Variants in CLCNKA observed in about 807,000 individuals in gnomAD.
The protein encoded by CLCNKA is chloride channel protein ClC-Ka.
Under a neutral mutation model 83.3 loss-of-function variants are expected in CLCNKA, and 66 were observed. The ratio of observed to expected loss-of-function variants is 0.79; its 90% confidence interval spans 0.65 to 0.97. The LOEUF is 0.97. CLCNKA is among the 50% of genes least tolerant of loss of function. The pLI is 0.00. For synonymous variants in CLCNKA, 357 were observed against 370.4 expected (o/e 0.96, Z 0.42); for missense variants, 806 against 888.7 (o/e 0.91, Z 1.18).
At chr1:16,023,597 A>C (rs565444378) in intron 2 of CLCNKA, among the ~76,000 whole-genome samples, 1 of 152,290 alleles carries the variant, frequency 6.6e-6, no homozygotes, top group East Asian at 1.9e-4. Flanking sequence ...GGGCTCCTCC[A>C]TCCTGACACA....
At position 16,030,429 on chromosome 1, in the gene CLCNKA, C is replaced by T. The variant is rs2022576681; in HGVS notation, c.1409-32C>T. The T allele has an allele frequency of 3.7e-6, 6 of 1,611,152 alleles. No homozygotes were observed. In the Admixed American group the frequency reaches 6.7e-5, roughly 18 times the overall value. On this transcript the variant is annotated intron_variant, in intron 14 of 19. Coordinates refer to ENST00000331433, the MANE Select transcript of CLCNKA (RefSeq NM_004070.4). ...ATCAGGCTGGCCCCTGCCTCCTGGC[C>T]TGAGCCGACCTGTGTGGCTCTGCCC...
At chr1:16,030,812 G>A in intron 15 of CLCNKA, 138 bp downstream of exon 15, 4 of 1,248,612 alleles carry the variant, frequency 3.2e-6, no homozygotes, top group Non-Finnish European at 4.5e-6. Flanking sequence ...ACACACAGCT[G>A]TGCTCTCATC....
At chr1:16,028,574 AC>A in intron 10 of CLCNKA, 186 bp from the exon 11 acceptor site, 1 of 741,628 alleles carries the variant, frequency 1.3e-6, no homozygotes, top group African/African-American at 1.7e-5. Flanking sequence ...TGAGGGGCTC[AC>A]CCCACGGGTT....
intron 7 of CLCNKA, 140 bp from the exon 8 acceptor site, chr1:16,027,170 C>A: frequency 7.8e-7 from 1 of 1,283,398 alleles, no homozygotes; most frequent in Non-Finnish European, 1.1e-6. Flanking sequence ...GCAAGCCCTG[C>A]CCTCCCCTTC....
intron 5 of CLCNKA, 143 bp from the exon 6 acceptor site, chr1:16,026,393 C>A: frequency 2.1e-6 from 3 of 1,460,024 alleles, no homozygotes; most frequent in Non-Finnish European, 2.8e-6. Context: ...AGAGCCAGGC[C>A]AGGTCCCCAG....
chr1:16,022,659 G>A lies in CLCNKA; in HGVS notation c.40G>A (p.Asp14Asn), dbSNP rs765083898. The stretch of plus-strand genomic sequence containing the variant: ...GGGGCTGCGTGAGGGCTTCTCAGGG[G>A]ACCCTGTGACTCTGCAGGAGCTGTG... The part of the protein sequence containing the change: ...LVGLREGFSG[D>N]PVTLQELWGP... The change falls in exon 2 of 20, where the codon GAC becomes AAC. Residue 14 changes from aspartate (D) to asparagine (N), a missense_variant. Coordinates refer to ENST00000331433, the MANE Select transcript of CLCNKA (RefSeq NM_004070.4). 6.4e-6 allele frequency: 10 copies of A among 1,568,072 alleles called. No individual in the cohort carries two copies. Among genetic ancestry groups the A allele is most frequent in the South Asian group, 1.2e-5 (1 of 84,438 alleles).
At chr1:16,028,543 C>G (rs2022477632) in intron 10 of CLCNKA, 4 of 690,250 alleles carry the variant, frequency 5.8e-6, no homozygotes, top group African/African-American at 1.7e-5. Flanking sequence ...CGTGATTCCT[C>G]TGCCCTCAGT....
rs1309828822 is a variant in CLCNKA, at chr1:16,023,667, C to CG, written c.101-129dup. 4.0e-6 allele frequency: 4 copies of CG among 997,602 alleles called. No individual in the cohort carries two copies. The East Asian group carries it at 1.1e-4, about 27-fold the overall frequency. The allele number at this position is 997,602 out of a possible 1,614,324, so 61.8% of individuals were successfully genotyped here. On this transcript the variant is annotated intron_variant, in intron 2 of 19. Coordinates refer to ENST00000331433, the MANE Select transcript of CLCNKA (RefSeq NM_004070.4). ...AACTTGCATTCCTCTCTGACTCAGGCGGGGCCCCCTCAGGACTACCCCAGA... is the reference window on the plus strand; with the variant it reads ...AACTTGCATTCCTCTCTGACTCAGGCGGGGGCCCCCTCAGGACTACCCCAGA...
rs201044164 is a variant in CLCNKA at position 16,023,871 on chromosome 1, G to T, written c.172G>T (p.Val58Leu). 9.4e-5 allele frequency: 151 copies of T among 1,614,176 alleles called. No homozygotes were observed. In the East Asian group the frequency reaches 3.3e-3, roughly 35 times the overall value. Residue 58 changes from valine (V) to leucine (L), a missense_variant, in exon 3 of 20, where the codon GTG becomes TTG. Coordinates refer to ENST00000331433, the MANE Select transcript of CLCNKA (RefSeq NM_004070.4). ...CTGGTACTTCCTGATGACCCTCGGG[G>T]TGCTCATGGCCCTGGTCAGCTATGC... is the stretch of plus-strand genomic sequence containing the variant. ...EDWYFLMTLG[V>L]LMALVSYAMN... is the part of the protein sequence containing the mutation.
In CLCNKA at chr1:16,032,384, TCTGAGAGAGGCATC is replaced by T. The variant is rs2022660348; in HGVS notation, c.1846-55_1846-42del. 7.7e-6 allele frequency: 12 copies of T among 1,557,562 alleles called. No homozygotes were observed. In the South Asian group the frequency reaches 1.3e-4, roughly 17 times the overall value. On this transcript the variant is annotated intron_variant, in intron 17 of 19. Coordinates refer to ENST00000331433, the MANE Select transcript of CLCNKA (RefSeq NM_004070.4). ...CGCTGATCTCCTGAGGGAGAGGTGG[TCTGAGAGAGGCATC>T]CTGGGGAGGCCGGCCCTGCACCCAT...
chr1:16,032,359 C>T (rs1370043513), intron 17 of CLCNKA, 68 bp downstream of exon 17: 19 of 1,540,044 alleles, frequency 1.2e-5, no homozygotes, highest in East Asian at 4.5e-5. Context: ...GGGAGGGACC[C>T]GCTGATCTCC....
Position 16,026,594 on chromosome 1 carries a change from C to A in CLCNKA, c.557C>A (p.Thr186Lys). The A allele has an allele frequency of 6.2e-7, 1 of 1,614,062 alleles. No homozygotes were observed. Among genetic ancestry groups the A allele is most frequent in the Non-Finnish European group, 8.5e-7 (1 of 1,180,024 alleles). ...IAAYLGRVRT[T>K]TIGEPENKSK... ...GCCTACCTGGGCCGTGTGCGCACCA[C>A]GACCATCGGGGAGCCTGAGGTTAGG... Residue 186 changes from threonine (T) to lysine (K), a missense_variant, in exon 6 of 20, where the codon ACG becomes AAG. By Grantham distance (78) the Thr-to-Lys change is moderately conservative. Coordinates refer to ENST00000331433, the MANE Select transcript of CLCNKA (RefSeq NM_004070.4).
chr1:16,031,078 C>T (rs914991596), intron 15 of CLCNKA, among the ~76,000 whole-genome samples: 4 of 152,138 alleles, frequency 2.6e-5, no homozygotes, highest in African/African-American at 7.2e-5. Context: ...GGAGGTGGAA[C>T]GAGAATGGAA....
rs1252538455 is a variant in CLCNKA, at chr1:16,033,543, A to AATGC, written c.2017-67_2017-64dup. 5 of 1,174,268 alleles carry AATGC rather than the reference A, an allele frequency of 4.3e-6. No individual in the cohort carries two copies. In the East Asian group the frequency reaches 1.2e-4, roughly 28 times the overall value. 72.7% of individuals were successfully genotyped at this position (1,174,268 alleles called of 1,614,324 possible). A position where few individuals can be genotyped will look rare whatever the true frequency, so the allele number is the denominator to read the frequency against. Reference sequence around the variant, plus strand: ...TGGAAATGAACCTTAGGGGACTAAAAATGCTGGAGCCCCCCTCACAACCTC... The same window carrying AATGC: ...TGGAAATGAACCTTAGGGGACTAAAAATGCATGCTGGAGCCCCCCTCACAACCTC... On this transcript the variant is annotated intron_variant, in intron 19 of 19. Coordinates refer to ENST00000331433, the MANE Select transcript of CLCNKA (RefSeq NM_004070.4).
chr1:16,029,093 C>T lies in CLCNKA; in HGVS notation c.1054-33C>T, dbSNP rs1163300767. The T allele has an allele frequency of 3.7e-6, 6 of 1,606,044 alleles. No homozygotes were observed. The Admixed American group carries it at 6.7e-5, about 18-fold the overall frequency. ...CTGGGGTCTGCCGCTGGGGGGGGCC[C>T]CTCATGTCCAGTTCCCACCTGCCCC... On this transcript the variant is annotated intron_variant, in intron 11 of 19. Coordinates refer to ENST00000331433, the MANE Select transcript of CLCNKA (RefSeq NM_004070.4).
At chr1:16,027,039 A>T in intron 7 of CLCNKA, 1 of 647,904 alleles carries the variant, frequency 1.5e-6, no homozygotes, top group Non-Finnish European at 2.6e-6. Context: ...GGCCTCTCTG[A>T]GCGCAGCTTC....
chr1:16,031,260 C>T (rs1323352241), intron 15 of CLCNKA, among the ~76,000 whole-genome samples: 2 of 152,212 alleles, frequency 1.3e-5, no homozygotes, highest in East Asian at 1.9e-4. Flanking sequence ...GCTGTTTATA[C>T]CAGTGATTTT....
chr1:16,032,456 AC>A lies in CLCNKA; in HGVS notation c.1860del (p.Asp620GlufsTer12). The A allele has an allele frequency of 6.2e-7, 1 of 1,612,872 alleles. No individual in the cohort carries two copies. Among genetic ancestry groups the A allele is most frequent in the East Asian group, 2.2e-5 (1 of 44,882 alleles). On this transcript the variant is annotated frameshift_variant, in exon 18 of 20. Coordinates refer to ENST00000331433, the MANE Select transcript of CLCNKA (RefSeq NM_004070.4). LOFTEE classifies it high-confidence loss of function. Reference protein sequence around the residue: ...RAPGHQQCLQDILARGCPTEP... With the variant: ...RAPGHQQCLQXILARGCPTEP... ...CCCCACTCCCAGCAGTGTCTCCAGG[AC>A]ATCTTGGCCAGGGGCTGCCCCACGG...
rs78557747 is a variant in CLCNKA at position 16,028,147 on chromosome 1, A to AT, written c.968+29dup. On this transcript the variant is annotated intron_variant, in intron 10 of 19. Coordinates refer to ENST00000331433, the MANE Select transcript of CLCNKA (RefSeq NM_004070.4). ...AGGCTCTGGGCTAGGGGCTGGGGAC[A>AT]TCTCAGTGAGTCCCTTGTGGACTCC... 111,675 of 1,599,440 alleles carry AT rather than the reference A, an allele frequency of 0.07. 4,499 individuals carry two copies. The highest frequency in any genetic ancestry group is 0.14 in the South Asian group (12,589 of 90,844).
Sources: gnomAD v4.1 joint callset for allele counts (sites outside exome capture counted in the v4.1 genomes callset) on GRCh38, gnomAD v4.1.1 for gene constraint, MANE v1.5 for transcripts, NCBI Gene and HGNC (gene_info 2026-07-23, HGNC 2026-07-21) for gene names.